The following PCDH15 variants were observed in gnomAD, a reference collection of about 807,000 sequenced individuals.
The protein encoded by PCDH15 is protocadherin related 15.
Under a neutral mutation model 178.5 loss-of-function variants are expected in PCDH15, and 129 were observed. The ratio of observed to expected loss-of-function variants is 0.72; its 90% confidence interval spans 0.63 to 0.84. The LOEUF is 0.84. Ranked by LOEUF, PCDH15 falls within the 40% of genes least tolerant of loss-of-function variation. The pLI is 0.00. For synonymous variants in PCDH15, 800 were observed against 732.0 expected (o/e 1.09, Z -1.50); for missense variants, 2,230 against 2,099.9 (o/e 1.06, Z -1.21).
At chr10:55,528,215 ATTAT>A (rs199845276) in intron 2 of PCDH15, among the ~76,000 whole-genome samples, 2 of 151,166 alleles carry the variant, frequency 1.3e-5, no homozygotes, top group East Asian at 1.9e-4. Flanking sequence ...TTTTTATTTT[ATTAT>A]TTATTTATTT....
intron 1 of PCDH15, among the ~76,000 whole-genome samples, chr10:55,288,037 G>C (rs2132264887): frequency 6.6e-6 from 1 of 150,458 alleles, no homozygotes; most frequent in African/African-American, 2.4e-5. Flanking sequence ...AATATGTGTT[G>C]AGTACTGAAT....
intron 1 of PCDH15, among the ~76,000 whole-genome samples, chr10:55,188,912 C>T (rs1030157429): frequency 3.3e-5 from 5 of 151,482 alleles, no homozygotes; most frequent in African/African-American, 1.2e-4. Context: ...ATTTTAGAAA[C>T]AGTTACATGG....
intron 2 of PCDH15, among the ~76,000 whole-genome samples, chr10:55,620,215 T>G (rs781691386): frequency 6.6e-6 from 1 of 152,056 alleles, no homozygotes; most frequent in Admixed American, 6.6e-5. Context: ...AAATACCAAT[T>G]GAAAAACATT....
chr10:54,227,860 T>C (rs7902567), intron 9 of PCDH15, among the ~76,000 whole-genome samples: 8,314 of 152,182 alleles, frequency 0.055, 563 homozygotes, highest in African/African-American at 0.17. Flanking sequence ...CTGCCAGTCT[T>C]TTTGCTAAAA....
At chr10:54,975,102 C>T (rs1275652111) in intron 2 of PCDH15, among the ~76,000 whole-genome samples, 1 of 152,172 alleles carries the variant, frequency 6.6e-6, no homozygotes, top group East Asian at 1.9e-4. Flanking sequence ...ACATGCTGAG[C>T]TTTCGGTGTG....
intron 1 of PCDH15, among the ~76,000 whole-genome samples, chr10:55,170,317 TA>T (rs796429739): frequency 1.6e-4 from 24 of 147,656 alleles, no homozygotes; most frequent in South Asian, 4.3e-4. Flanking sequence ...ATTGGCTATT[TA>T]AAAAAAAAAA....
intron 18 of PCDH15, among the ~76,000 whole-genome samples, chr10:54,038,029 T>G (rs2093458340): frequency 1.3e-5 from 2 of 151,882 alleles, no homozygotes; most frequent in African/African-American, 4.8e-5. Context: ...GAGGATCTCC[T>G]CATAAAAATG....
chr10:55,437,605 G>A (rs1185982641), intron 2 of PCDH15, among the ~76,000 whole-genome samples: 1 of 151,980 alleles, frequency 6.6e-6, no homozygotes, highest in Non-Finnish European at 1.5e-5. Flanking sequence ...TTGAAGATAT[G>A]ACTCTTCTCT....
intron 16 of PCDH15, among the ~76,000 whole-genome samples, chr10:54,082,762 A>AAC (rs967923832): frequency 6.5e-4 from 19 of 29,096 alleles, no homozygotes; most frequent in Admixed American, 1.1e-3. Flanking sequence ...CGTCAAAATA[A>AAC]AAAAAAAAAA....
intron 21 of PCDH15, among the ~76,000 whole-genome samples, chr10:53,968,744 C>T (rs1202476810): frequency 6.6e-6 from 1 of 152,178 alleles, no homozygotes; most frequent in Admixed American, 6.5e-5. Context: ...CAAACACGGT[C>T]TGGAGTGGAC....
chr10:55,508,461 G>A (rs754809983), intron 2 of PCDH15, among the ~76,000 whole-genome samples: 3 of 151,796 alleles, frequency 2.0e-5, no homozygotes, highest in Non-Finnish European at 4.4e-5. Flanking sequence ...GTTTCTCAGA[G>A]AAGATATTTC....
chr10:54,023,255 A>G, intron 18 of PCDH15, 58 bp from the exon 19 acceptor site: 1 of 1,499,974 alleles, frequency 6.7e-7, no homozygotes, highest in South Asian at 1.2e-5. Context: ...GGCTACTGTA[A>G]ATGAAGGTAA....
chr10:54,049,604 T>C (rs2093724533), intron 18 of PCDH15, among the ~76,000 whole-genome samples: 1 of 151,138 alleles, frequency 6.6e-6, no homozygotes, highest in East Asian at 2.0e-4. Context: ...TCAAAAGCTT[T>C]TTCTGCATCT....
At chr10:54,311,477 A>AGTCTGT (rs1423832831) in intron 8 of PCDH15, among the ~76,000 whole-genome samples, 2 of 152,166 alleles carry the variant, frequency 1.3e-5, no homozygotes, top group Non-Finnish European at 2.9e-5. Context: ...CTTTTTTCAT[A>AGTCTGT]ATACCAGAAA....
intron 3 of PCDH15, among the ~76,000 whole-genome samples, chr10:54,398,089 A>G (rs1374894632): frequency 6.6e-6 from 1 of 151,956 alleles, no homozygotes; most frequent in African/African-American, 2.4e-5. Flanking sequence ...TCAGATGGTA[A>G]GGTTTTTAAA....
At chr10:55,069,440 A>G (rs1270713464) in intron 2 of PCDH15, among the ~76,000 whole-genome samples, 1 of 74,994 alleles carries the variant, frequency 1.3e-5, no homozygotes, top group Non-Finnish European at 2.4e-5. Flanking sequence ...CCCCCACCCC[A>G]CAACAGTCCC....
chr10:55,528,774 T>C (rs575319475), intron 2 of PCDH15, among the ~76,000 whole-genome samples: 2 of 152,206 alleles, frequency 1.3e-5, no homozygotes, highest in East Asian at 1.9e-4. Flanking sequence ...ATAGTATTTC[T>C]AGTTCTAGAT....
chr10:53,922,423 A>G (rs2084078262), intron 25 of PCDH15, among the ~76,000 whole-genome samples: 1 of 152,198 alleles, frequency 6.6e-6, no homozygotes, highest in African/African-American at 2.4e-5. Flanking sequence ...ATTTACCCTA[A>G]GAGAAAGTTG....
chr10:54,941,888 C>T (rs531348068), intron 2 of PCDH15, among the ~76,000 whole-genome samples: 16 of 152,074 alleles, frequency 1.1e-4, no homozygotes, highest in Admixed American at 3.3e-4. Flanking sequence ...ATTCTCTGGG[C>T]GATGCAGTAA....
Sources: allele counts gnomAD v4.1 joint callset (sites outside exome capture counted in the v4.1 genomes callset), GRCh38; gene constraint gnomAD v4.1.1; transcripts MANE v1.5; gene names NCBI Gene and HGNC (gene_info 2026-07-23, HGNC 2026-07-21).